Variants in NID1 observed in about 807,000 individuals in gnomAD.
NID1 encodes the protein nidogen-1.
NID1 carries 76 observed loss-of-function variants against 130.6 expected under a neutral mutation model. The observed-to-expected ratio is 0.58, with a 90% CI of 0.48 to 0.70. The LOEUF (loss-of-function observed/expected upper bound fraction) is 0.70. Ranked by LOEUF, NID1 falls within the 30% of genes least tolerant of loss-of-function variation. The pLI, the probability that NID1 is intolerant of heterozygous loss-of-function variation, is 0.00. For synonymous variants in NID1, 665 were observed against 675.1 expected, an observed-to-expected ratio of 0.98 and a Z score of 0.23; for missense variants, 1,517 against 1,664.8, an observed-to-expected ratio of 0.91 and a Z score of 1.54.
intron 12 of NID1, among the ~76,000 whole-genome samples, chr1:236,004,635 G>A (rs1290498308): frequency 1.8e-4 from 27 of 151,580 alleles, no homozygotes; most frequent in Admixed American, 2.6e-4. Flanking sequence ...GGTGGCGGGC[G>A]CCTGTAGTCC....
chr1:236,036,565 CT>C (rs1353638132), intron 5 of NID1, among the ~76,000 whole-genome samples: 14 of 152,328 alleles, frequency 9.2e-5, no homozygotes, highest in East Asian at 1.9e-4. Context: ...TTGTTGGCAT[CT>C]GCTATGGCTT....
chr1:236,040,000 C>G (rs1659402068), intron 4 of NID1, among the ~76,000 whole-genome samples: 1 of 152,156 alleles, frequency 6.6e-6, no homozygotes, highest in Admixed American at 6.5e-5. Context: ...AGGAAAACAT[C>G]TGTTTTAGAC....
chr1:235,987,486 C>T (rs1368646782), intron 14 of NID1, among the ~76,000 whole-genome samples: 1 of 152,158 alleles, frequency 6.6e-6, no homozygotes, highest in Non-Finnish European at 1.5e-5. Flanking sequence ...CTGATTACTT[C>T]AAAATAAAAA....
At chr1:236,043,958 C>T (rs910970676) in intron 3 of NID1, among the ~76,000 whole-genome samples, 2 of 152,096 alleles carry the variant, frequency 1.3e-5, no homozygotes, top group African/African-American at 2.4e-5. Flanking sequence ...AGTAGAATAT[C>T]CCTAATCTCT....
chr1:236,049,110 T>A, intron 1 of NID1, 121 bp from the exon 2 acceptor site: 2 of 1,076,106 alleles, frequency 1.9e-6, no homozygotes, highest in Non-Finnish European at 2.7e-6. Flanking sequence ...CAACAGAATC[T>A]GAGAAAGATA....
chr1:236,038,727 CATATATAATATATATTACCTATGT>C (rs1558443264), intron 4 of NID1, among the ~76,000 whole-genome samples: 2,817 of 119,534 alleles, frequency 0.024, 213 homozygotes, highest in East Asian at 0.031. Context: ...TTATATAGGT[CATATATAATATATATTACCTATGT>C]TATATAGGTC....
chr1:235,996,778 A>C (rs937642161), intron 12 of NID1, among the ~76,000 whole-genome samples: 5 of 150,754 alleles, frequency 3.3e-5, no homozygotes, highest in African/African-American at 9.8e-5. Flanking sequence ...GGGTCTTGCT[A>C]TGTTGCCCAG....
chr1:236,014,870 C>A (rs1216075281), intron 10 of NID1, among the ~76,000 whole-genome samples: 1 of 152,226 alleles, frequency 6.6e-6, no homozygotes, highest in African/African-American at 2.4e-5. Context: ...GACTTATGGG[C>A]AAGCTGAGGC....
chr1:236,028,822 G>A (rs534622138), intron 7 of NID1, among the ~76,000 whole-genome samples: 3 of 151,984 alleles, frequency 2.0e-5, no homozygotes, highest in Non-Finnish European at 4.4e-5. Flanking sequence ...CAGTTTTCAC[G>A]TAAGTTTGAT....
At chr1:235,994,799 C>T (rs1181678129) in intron 12 of NID1, among the ~76,000 whole-genome samples, 5 of 151,610 alleles carry the variant, frequency 3.3e-5, no homozygotes, top group African/African-American at 1.2e-4. Flanking sequence ...CAGGTTCAAG[C>T]GATTCTCCTG....
chr1:236,024,253 G>C, intron 8 of NID1, 40 bp from the exon 9 acceptor site: 2 of 1,608,284 alleles, frequency 1.2e-6, no homozygotes. Flanking sequence ...GAGTCTTCAG[G>C]AGCTCTTGCA....
chr1:236,021,999 A>G (rs146881566), intron 9 of NID1, among the ~76,000 whole-genome samples: 2,667 of 152,310 alleles, frequency 0.018, 38 homozygotes, highest in South Asian at 0.084. Flanking sequence ...AATGAGCCTC[A>G]GTTTTCTTGT....
At position 236,048,760 on chromosome 1, in the gene NID1, G is replaced by A. The variant is rs750625934; in HGVS notation, c.455C>T (p.Ala152Val). The A allele has an allele frequency of 1.0e-4, 162 of 1,613,348 alleles. No homozygotes were observed. Among genetic ancestry groups the A allele is most frequent in the Non-Finnish European group, 1.2e-4 (139 of 1,180,038 alleles). Residue 152 changes from alanine to valine, a missense_variant, in exon 2 of 20, where the codon GCG becomes GTG. Physicochemically the swap from Ala to Val is moderately conservative, Grantham distance 64 (BLOSUM62 0). Coordinates refer to ENST00000264187, the MANE Select transcript of NID1 (RefSeq NM_002508.3). Reference sequence around the variant, plus strand: ...CACGGATTCCCAAGTGACAACCACCGCGCTACTAGGCTGGAAAGAGATCTC... The same window carrying A: ...CACGGATTCCCAAGTGACAACCACCACGCTACTAGGCTGGAAAGAGATCTC... ...FPEISFQPSS[A>V]VVVTWESVAP...
At chr1:236,052,297 T>C (rs944274886) in intron 1 of NID1, among the ~76,000 whole-genome samples, 1 of 152,144 alleles carries the variant, frequency 6.6e-6, no homozygotes, top group Non-Finnish European at 1.5e-5. Context: ...GAAAGTACCA[T>C]TGGACAATTC....
intron 12 of NID1, among the ~76,000 whole-genome samples, chr1:235,996,519 TGCAACCTTAACCTCCCAGCTCAA>T (rs1657927264): frequency 1.3e-5 from 2 of 152,170 alleles, no homozygotes; most frequent in Non-Finnish European, 2.9e-5. Context: ...CTCAGTTCAC[TGCAACCTTAACCTCCCAGCTCAA>T]GCAACCCTCC....
intron 19 of NID1, among the ~76,000 whole-genome samples, 194 bp from the exon 20 acceptor site, chr1:235,978,182 A>G (rs1038700847): frequency 2.6e-5 from 4 of 152,230 alleles, no homozygotes; most frequent in Admixed American, 6.5e-5. Flanking sequence ...TATCAGCATT[A>G]AACCAGACAC....
At chr1:236,043,473 G>A (rs1277726186) in intron 3 of NID1, among the ~76,000 whole-genome samples, 1 of 152,154 alleles carries the variant, frequency 6.6e-6, no homozygotes, top group Non-Finnish European at 1.5e-5. Context: ...AGAAGTGTGA[G>A]TGAAAACATT....
intron 9 of NID1, among the ~76,000 whole-genome samples, chr1:236,020,036 T>TAAAAAAAA (rs57925295): frequency 2.3e-5 from 2 of 88,374 alleles, no homozygotes; most frequent in Non-Finnish European, 2.3e-5. Context: ...GACTCTGCCT[T>TAAAAAAAA]AAAAAAAAAA....
chr1:236,064,619 GC>G (rs1237581932), intron 1 of NID1: 1 of 533,798 alleles, frequency 1.9e-6, no homozygotes, highest in Non-Finnish European at 3.4e-6. Flanking sequence ...CGGGGTCACG[GC>G]CCGGGGCGCG....
Sources: allele counts gnomAD v4.1 joint callset (sites outside exome capture counted in the v4.1 genomes callset), GRCh38; gene constraint gnomAD v4.1.1; transcripts MANE v1.5; gene names NCBI Gene and HGNC (gene_info 2026-07-23, HGNC 2026-07-21).